Variants in HNRNPA1 observed in about 807,000 individuals in gnomAD.
The protein encoded by HNRNPA1 is epididymis secretory sperm binding protein.
A neutral mutation model predicts 44.4 loss-of-function variants in HNRNPA1; 7 were observed. That is an observed-to-expected ratio of 0.16 (90% CI 0.09 to 0.30). The LOEUF (loss-of-function observed/expected upper bound fraction) is 0.30. Among genes scored for constraint, HNRNPA1 ranks in the 10% least tolerant of loss-of-function variants. The pLI, the probability that HNRNPA1 is intolerant of heterozygous loss-of-function variation, is 1.00. For missense variants in HNRNPA1, 193 were observed against 465.8 expected, an observed-to-expected ratio of 0.41 and a Z score of 5.39; for synonymous variants, 169 against 160.6, an observed-to-expected ratio of 1.05 and a Z score of -0.40.
Position 54,284,268 on chromosome 12 carries a change from C to T in HNRNPA1, c.1074C>T (p.Gly358=), listed in dbSNP as rs370660064. The change falls in exon 10 of 11, where the codon GGC becomes GGT. Residue 358 remains glycine (G), a synonymous_variant. Coordinates refer to ENST00000340913, the MANE Select transcript of HNRNPA1 (RefSeq NM_031157.4). ...FAKPRNQGGY[G]GSSSSSSYGS... Reference sequence around the variant, plus strand: ...AATTGTACTTTTCAGGTGGCTATGGCGGTTCCAGCAGCAGCAGTAGCTATG... The same window carrying T: ...AATTGTACTTTTCAGGTGGCTATGGTGGTTCCAGCAGCAGCAGTAGCTATG... 3.5e-5 allele frequency: 56 copies of T among 1,613,864 alleles called. No individual in the cohort carries two copies. Among genetic ancestry groups the T allele is most frequent in the African/African-American group, 5.3e-5 (4 of 75,012 alleles).
At position 54,280,760 on chromosome 12, in the gene HNRNPA1, G is replaced by A. The variant is rs1391361440; in HGVS notation, c.-48G>A. 6.2e-7 allele frequency: 1 copy of A among 1,613,072 alleles called. No homozygotes were observed. The highest frequency in any genetic ancestry group is 1.3e-5 in the African/African-American group (1 of 75,036). ...CGTCAGCTTGCTCCTTTCTGCCCGT[G>A]GACGCCGCCGAAGAAGCATCGTTAA... is the stretch of plus-strand genomic sequence containing the variant. On this transcript the variant is annotated 5_prime_UTR_variant, in exon 1 of 11. Transcript: ENST00000340913.
Position 54,285,547 on chromosome 12 carries a change from TAACTA to T in HNRNPA1, c.*1004_*1008del, listed in dbSNP as rs902504837. 1.6e-4 allele frequency: 24 copies of T among 152,322 alleles called. No homozygotes were observed. Among genetic ancestry groups the T allele is most frequent in the African/African-American group, 5.8e-4 (24 of 41,568 alleles). 9.4% of individuals were successfully genotyped at this position (152,322 alleles called of 1,614,324 possible). A position where few individuals can be genotyped will look rare whatever the true frequency, so the allele number is the denominator to read the frequency against. ...GTGGGCCTTCAGAGGTTCTATCAGT[TAACTA>T]TACTAATTAATTTGGAGATTCAAAC... On this transcript the variant is annotated 3_prime_UTR_variant, in exon 11 of 11. Transcript: ENST00000340913.
At chr12:54,283,368 T>A in intron 8 of HNRNPA1, 134 bp downstream of exon 8, 1 of 979,770 alleles carries the variant, frequency 1.0e-6, no homozygotes. Flanking sequence ...CTATGCTACC[T>A]CCTCCTAGCT....
At chr12:54,281,601 A>G in intron 2 of HNRNPA1, 99 bp downstream of exon 2, 3 of 1,018,914 alleles carry the variant, frequency 2.9e-6, no homozygotes, top group Non-Finnish European at 4.6e-6. Context: ...TAATAGCATT[A>G]TAGTTAGAGC....
At chr12:54,281,236 C>A in intron 1 of HNRNPA1, 150 bp from the exon 2 acceptor site, 1 of 719,294 alleles carries the variant, frequency 1.4e-6, no homozygotes. Flanking sequence ...CAGCATACGG[C>A]CTCCCTTGAT....
At chr12:54,282,016 T>G in intron 3 of HNRNPA1, 74 bp from the exon 4 acceptor site, 1 of 1,600,818 alleles carries the variant, frequency 6.2e-7, no homozygotes, top group East Asian at 2.2e-5. Context: ...ATTCGGGAGT[T>G]TTCTAAACTT....
intron 8 of HNRNPA1, 190 bp from the exon 9 acceptor site, chr12:54,283,622 T>C: frequency 1.6e-6 from 1 of 640,368 alleles, no homozygotes; most frequent in Admixed American, 2.9e-5. Flanking sequence ...GTTAGGCCAG[T>C]TTTCTTTGTA....
Position 54,280,743 on chromosome 12 carries a change from T to C in HNRNPA1, c.-65T>C. On this transcript the variant is annotated 5_prime_UTR_variant, in exon 1 of 11. Transcript: ENST00000340913. ...AGGCTGGCAGATACGTTCGTCAGCTTGCTCCTTTCTGCCCGTGGACGCCGC... is the reference window on the plus strand; with the variant it reads ...AGGCTGGCAGATACGTTCGTCAGCTCGCTCCTTTCTGCCCGTGGACGCCGC... 1.9e-6 allele frequency: 3 copies of C among 1,597,630 alleles called. No individual in the cohort carries two copies. The highest frequency in any genetic ancestry group is 2.6e-6 in the Non-Finnish European group (3 of 1,165,122).
intron 4 of HNRNPA1, 44 bp from the exon 5 acceptor site, chr12:54,282,350 A>G (rs1273233808): frequency 1.2e-6 from 2 of 1,610,540 alleles, no homozygotes; most frequent in East Asian, 4.5e-5. Context: ...TCTGTATGGC[A>G]TTCTAAACCC....
chr12:54,283,758 G>A (rs1944217978), intron 8 of HNRNPA1, 54 bp from the exon 9 acceptor site: 9 of 1,549,216 alleles, frequency 5.8e-6, no homozygotes, highest in Middle Eastern at 1.7e-4. Context: ...AAACAGAATT[G>A]GAAACTAACA....
At chr12:54,284,372 C>A in intron 10 of HNRNPA1, 55 bp downstream of exon 10, 1 of 1,415,340 alleles carries the variant, frequency 7.1e-7, no homozygotes, top group South Asian at 1.2e-5. Context: ...CTGATGAACC[C>A]AATAACCCTA....
Position 54,284,360 on chromosome 12 carries a change from T to G in HNRNPA1, c.*4+43T>G, listed in dbSNP as rs756191880. 9 of 1,535,416 alleles carry G rather than the reference T, an allele frequency of 5.9e-6. No homozygotes were observed. The African/African-American group carries it at 1.2e-4, about 21-fold the overall frequency. ...TGTGTGTTGACATAATTTTTTAAATTGCTGATGAACCCAATAACCCTAATG... is the reference window on the plus strand; with the variant it reads ...TGTGTGTTGACATAATTTTTTAAATGGCTGATGAACCCAATAACCCTAATG... On this transcript the variant is annotated intron_variant, in intron 10 of 10. Transcript: ENST00000340913.
Position 54,280,811 on chromosome 12 carries a change from T to A in HNRNPA1, c.4T>A (p.Ser2Thr). 6.2e-7 allele frequency: 1 copy of A among 1,614,206 alleles called. No individual in the cohort carries two copies. The highest frequency in any genetic ancestry group is 8.5e-7 in the Non-Finnish European group (1 of 1,180,032). Reference sequence around the variant, plus strand: ...AGTCTCTCTTCACCCTGCCGTCATGTCTAAGTCAGAGGTGAGTTAGGCGCG... The same window carrying A: ...AGTCTCTCTTCACCCTGCCGTCATGACTAAGTCAGAGGTGAGTTAGGCGCG... MSKSESPKEPEQ... is the reference protein window; with the variant it reads MTKSESPKEPEQ... Residue 2 changes from serine to threonine, a missense_variant, in exon 1 of 11, where the codon TCT (serine) becomes ACT (threonine). Ser to Thr is a moderately conservative substitution (Grantham distance 58). Around this residue, in one of 2 missense-constraint regions of HNRNPA1, gnomAD observed 57 missense variants for 231.3 expected, o/e 0.25. Coordinates refer to ENST00000340913, the MANE Select transcript of HNRNPA1 (RefSeq NM_031157.4).
chr12:54,286,419 A>C lies in HNRNPA1; in HGVS notation c.*1875A>C, dbSNP rs1944263810. ...GGTTTTTCTGGAGATGAATTGTTTTAAATTGACACCCTATTGATGGCTCCC... is the reference window on the plus strand; with the variant it reads ...GGTTTTTCTGGAGATGAATTGTTTTCAATTGACACCCTATTGATGGCTCCC... On this transcript the variant is annotated 3_prime_UTR_variant, in exon 11 of 11. Coordinates refer to ENST00000340913, the MANE Select transcript of HNRNPA1 (RefSeq NM_031157.4). 1 of 152,218 alleles carries C rather than the reference A, an allele frequency of 6.6e-6. No individual in the cohort carries two copies. The highest frequency in any genetic ancestry group is 2.4e-5 in the African/African-American group (1 of 41,452). 9.4% of individuals were successfully genotyped at this position (152,218 alleles called of 1,614,324 possible). A position where few individuals can be genotyped will look rare whatever the true frequency, so the allele number is the denominator to read the frequency against.
chr12:54,282,079 T>C lies in HNRNPA1; in HGVS notation c.280-11T>C, dbSNP rs1944182982. ...TTTGCTAATCTAAACCTATGGTTTT[T>C]CTCCTATTAGGATTCTCAAAGACCA... On this transcript the variant is annotated splice_polypyrimidine_tract_variant and intron_variant, in intron 3 of 10. Coordinates refer to ENST00000340913, the MANE Select transcript of HNRNPA1 (RefSeq NM_031157.4). 7 of 1,611,266 alleles carry C rather than the reference T, an allele frequency of 4.3e-6. No individual in the cohort carries two copies. Among genetic ancestry groups the C allele is most frequent in the Non-Finnish European group, 5.9e-6 (7 of 1,178,024 alleles).
intron 2 of HNRNPA1, 74 bp from the exon 3 acceptor site, chr12:54,281,721 G>T (rs528990571): frequency 2.7e-6 from 4 of 1,456,644 alleles, no homozygotes; most frequent in East Asian, 4.7e-5. Flanking sequence ...GTTTCCTATT[G>T]CCCTATTCAA....
At chr12:54,282,726 A>G (rs1944195221) in intron 6 of HNRNPA1, 61 bp downstream of exon 6, 1 of 1,591,536 alleles carries the variant, frequency 6.3e-7, no homozygotes, top group African/African-American at 1.3e-5. Flanking sequence ...TGAAGATTTT[A>G]CAGTACGGGA....
Position 54,283,105 on chromosome 12 carries a change from T to C in HNRNPA1, c.778T>C (p.Tyr260His). 3.1e-6 allele frequency: 5 copies of C among 1,613,402 alleles called. No homozygotes were observed. Among genetic ancestry groups the C allele is most frequent in the Non-Finnish European group, 4.2e-6 (5 of 1,179,784 alleles). The change falls in exon 8 of 11, where the codon TAC (tyrosine) becomes CAC (histidine). Residue 260 changes from tyrosine (Y) to histidine (H), a missense_variant. By Grantham distance (83) the Tyr-to-His change is moderately conservative. This residue lies in a region of HNRNPA1 where 136 missense variants were observed against 234.4 expected (regional missense o/e 0.58). Coordinates refer to ENST00000340913, the MANE Select transcript of HNRNPA1 (RefSeq NM_031157.4). ...DGGYGGGGPG[Y>H]SGGSRGYGSG... Reference sequence around the variant, plus strand: ...TGGTTATGGAGGAGGCGGCCCTGGTTACTCTGGAGGAAGCAGAGGCTATGG... The same window carrying C: ...TGGTTATGGAGGAGGCGGCCCTGGTCACTCTGGAGGAAGCAGAGGCTATGG...
At position 54,285,925 on chromosome 12, in the gene HNRNPA1, C is replaced by T. The variant is rs765823708; in HGVS notation, c.*1381C>T. ...GGTGGGAAAGCATGGGTGATAGTTC[C>T]ATGATACTGGCTGAGTTTGCAATAG... On this transcript the variant is annotated 3_prime_UTR_variant, in exon 11 of 11. Transcript: ENST00000340913. 5 of 151,924 alleles carry T rather than the reference C, an allele frequency of 3.3e-5. No homozygotes were observed. The highest frequency in any genetic ancestry group is 5.9e-5 in the Non-Finnish European group (4 of 68,010). The allele number at this position is 151,924 out of a possible 1,614,324, so 9.4% of individuals were successfully genotyped here. A position where few individuals can be genotyped will look rare whatever the true frequency, so the allele number is the denominator to read the frequency against.
Sources: allele counts gnomAD v4.1 joint callset, GRCh38; gene constraint gnomAD v4.1.1; regional missense constraint gnomAD v4.1.1; transcripts MANE v1.5; gene names NCBI Gene and HGNC (gene_info 2026-07-23, HGNC 2026-07-21).